The following RPS6KC1 variants were observed in gnomAD, a reference collection of about 807,000 sequenced individuals.
The protein encoded by RPS6KC1 is inactive ribosomal protein S6 kinase delta-1.
A neutral mutation model predicts 103.8 loss-of-function variants in RPS6KC1; 54 were observed. The observed-to-expected ratio is 0.52, with a 90% CI of 0.42 to 0.65. The LOEUF is 0.65. Among genes scored for constraint, RPS6KC1 ranks in the 30% least tolerant of loss-of-function variants. RPS6KC1 has a pLI of 0.00. For synonymous variants in RPS6KC1, 439 were observed against 438.7 expected (o/e 1.00, Z -0.01); for missense variants, 1,151 against 1,253.8 (o/e 0.92, Z 1.24).
chr1:213,291,695 G>A, the RPS6KC1 span, among the ~76,000 whole-genome samples: 1 of 152,318 alleles, frequency 6.6e-6, no homozygotes, highest in South Asian at 2.1e-4. Flanking sequence ...GAGTCCGAGT[G>A]AGTTGCTAAC....
At chr1:213,445,768 A>C in the RPS6KC1 span, among the ~76,000 whole-genome samples, 1 of 152,218 alleles carries the variant, frequency 6.6e-6, no homozygotes, top group Non-Finnish European at 1.5e-5. Flanking sequence ...ACTGGAGCAC[A>C]ACAGAAGGCA....
At chr1:213,732,354 C>CGTGTGT in the RPS6KC1 span, among the ~76,000 whole-genome samples, 9,837 of 150,052 alleles carry the variant, frequency 0.066, 437 homozygotes, top group Admixed American at 0.12. Context: ...TATGAGTGTG[C>CGTGTGT]GTGTGCGTGT....
At chr1:213,291,570 A>T in the RPS6KC1 span, among the ~76,000 whole-genome samples, 2 of 152,220 alleles carry the variant, frequency 1.3e-5, no homozygotes, top group Admixed American at 1.3e-4. Context: ...CTGTCAGGTA[A>T]AGAAAAATAT....
At chr1:213,456,790 T>A in the RPS6KC1 span, among the ~76,000 whole-genome samples, 1 of 152,216 alleles carries the variant, frequency 6.6e-6, no homozygotes, top group Non-Finnish European at 1.5e-5. Context: ...ATAACTCCCC[T>A]TTGTAACACT....
intron 5 of RPS6KC1, among the ~76,000 whole-genome samples, chr1:213,121,564 T>TAATTTGTAGAA (rs2084387961): frequency 6.6e-6 from 1 of 152,206 alleles, no homozygotes; most frequent in Non-Finnish European, 1.5e-5. Context: ...GCCGTGAAGT[T>TAATTTGTAGAA]ACTAGGACAT....
At chr1:213,192,218 C>T (rs2841438) in intron 8 of RPS6KC1, among the ~76,000 whole-genome samples, 6,280 of 152,224 alleles carry the variant, frequency 0.041, 448 homozygotes, top group African/African-American at 0.14. Context: ...TTGAATCATC[C>T]TTGCTTCCCT....
chr1:213,769,897 T>A, the RPS6KC1 span, among the ~76,000 whole-genome samples: 23 of 152,232 alleles, frequency 1.5e-4, no homozygotes, highest in South Asian at 4.8e-3. Flanking sequence ...TAGAAATATG[T>A]CAAATTGTGG....
rs544930154 is a variant in RPS6KC1, at chr1:213,152,197, C to T, written c.836-15661C>T. Among the ~76,000 whole-genome samples the T allele has an allele frequency of 1.9e-3, 278 of 144,332 alleles. 1 individual carries two copies. The highest frequency in any genetic ancestry group is 7.0e-3 in the African/African-American group (270 of 38,644). 94.7% of individuals were successfully genotyped at this position (144,332 alleles called of 152,430 possible). The stretch of plus-strand genomic sequence containing the variant: ...GGGCGGGGGGCTGACCCCCCACCTC[C>T]CTCCTGGACGGGGCGGCTGGCCGGG... On this transcript the variant is annotated intron_variant, in intron 6 of 14. Transcript: ENST00000366960.
chr1:213,594,427 T>C, the RPS6KC1 span, among the ~76,000 whole-genome samples: 1 of 152,232 alleles, frequency 6.6e-6, no homozygotes, highest in Non-Finnish European at 1.5e-5. Flanking sequence ...TTTTACCCTT[T>C]TACTTTAAAA....
Position 213,262,795 on chromosome 1 carries a change from G to T in RPS6KC1, c.3069G>T (p.Glu1023Asp). Residue 1023 changes from glutamate (E) to aspartate (D), a missense_variant, in exon 14 of 15, where the codon GAG (glutamate) becomes GAT (aspartate). Transcript: ENST00000366960. ...TLNMPECVSE[E>D]ARSLIQQLLQ... is the part of the protein sequence containing the mutation. ...ACATGCCAGAATGTGTCTCTGAAGA[G>T]GCTCGCTCACTCATTCAACAGGTAA... The T allele has an allele frequency of 1.2e-6, 2 of 1,610,416 alleles. No individual in the cohort carries two copies. Among genetic ancestry groups the T allele is most frequent in the Non-Finnish European group, 1.7e-6 (2 of 1,176,628 alleles).
Position 213,242,051 on chromosome 1 carries a change from A to G in RPS6KC1, c.2575A>G (p.Thr859Ala). The change falls in exon 11 of 15, where the codon ACT becomes GCT. Residue 859 changes from threonine to alanine, a missense_variant. Physicochemically the swap from Thr to Ala is moderately conservative, Grantham distance 58. Coordinates refer to ENST00000366960, the MANE Select transcript of RPS6KC1 (RefSeq NM_012424.6). The stretch of plus-strand genomic sequence containing the variant: ...TGATGATTTGGCTAAAGAGGAACCA[A>G]CTTCTTTATTCCAGAGAGACTCTGA... Reference protein sequence around the residue: ...QTDDLAKEEPTSLFQRDSETK... With the variant: ...QTDDLAKEEPASLFQRDSETK... The G allele has an allele frequency of 6.2e-7, 1 of 1,614,060 alleles. No individual in the cohort carries two copies. The highest frequency in any genetic ancestry group is 8.5e-7 in the Non-Finnish European group (1 of 1,179,944).
intron 6 of RPS6KC1, among the ~76,000 whole-genome samples, chr1:213,132,589 T>G (rs946753661): frequency 6.6e-6 from 1 of 152,186 alleles, no homozygotes; most frequent in Non-Finnish European, 1.5e-5. Flanking sequence ...GCTCTAGTTA[T>G]GAGCTTGATT....
chr1:213,817,370 T>G, the RPS6KC1 span, among the ~76,000 whole-genome samples: 1 of 152,196 alleles, frequency 6.6e-6, no homozygotes, highest in African/African-American at 2.4e-5. Context: ...CTGTTTATAT[T>G]ATAATTAAGG....
chr1:213,105,060 T>G (rs1023273183), intron 4 of RPS6KC1, among the ~76,000 whole-genome samples: 25 of 152,134 alleles, frequency 1.6e-4, no homozygotes, highest in African/African-American at 6.0e-4. Flanking sequence ...CCACTGTAAG[T>G]CTATATTAAA....
intron 12 of RPS6KC1, among the ~76,000 whole-genome samples, chr1:213,259,698 A>G (rs1331262302): frequency 6.6e-6 from 1 of 151,352 alleles, no homozygotes; most frequent in Non-Finnish European, 1.5e-5. Context: ...ATATATACAA[A>G]CATTCACTTA....
At chr1:213,804,281 C>T in the RPS6KC1 span, among the ~76,000 whole-genome samples, 6 of 149,398 alleles carry the variant, frequency 4.0e-5, no homozygotes, top group African/African-American at 7.4e-5. Flanking sequence ...TGTGCCAAAA[C>T]ACTGTATGAG....
chr1:213,678,413 G>T, the RPS6KC1 span, among the ~76,000 whole-genome samples: 18 of 152,150 alleles, frequency 1.2e-4, no homozygotes, highest in African/African-American at 4.3e-4. Context: ...CTTGATGTCT[G>T]GGCTGAAACT....
the RPS6KC1 span, among the ~76,000 whole-genome samples, chr1:213,449,239 A>T: frequency 6.7e-6 from 1 of 150,132 alleles, no homozygotes; most frequent in African/African-American, 2.4e-5. Flanking sequence ...CCCAGTACCC[A>T]CTTAGAGATT....
chr1:213,631,995 G>A, the RPS6KC1 span, among the ~76,000 whole-genome samples: 104,887 of 152,010 alleles, frequency 0.69, 36,496 homozygotes, highest in African/African-American at 0.8. Context: ...TCACATAAAT[G>A]GAATCATACA....
Sources: gnomAD v4.1 joint callset for allele counts (sites outside exome capture counted in the v4.1 genomes callset) on GRCh38, gnomAD v4.1.1 for gene constraint, MANE v1.5 for transcripts, NCBI Gene and HGNC (gene_info 2026-07-23, HGNC 2026-07-21) for gene names.